The following PARVB variants were observed in gnomAD, a reference collection of about 807,000 sequenced individuals.
The protein encoded by PARVB is parvin beta, also known as beta-parvin.
In PARVB, 46 loss-of-function variants were observed where a neutral mutation model predicts 47.0. That is an observed-to-expected ratio of 0.98 (90% CI 0.77 to 1.25). The LOEUF (loss-of-function observed/expected upper bound fraction) is 1.25. Ranked by LOEUF, PARVB falls within the 50% of genes most tolerant of loss-of-function variation. PARVB has a pLI of 0.00. For missense variants in PARVB, 473 were observed against 471.6 expected (o/e 1.00, Z -0.03); for synonymous variants, 196 against 196.3 (o/e 1.00, Z 0.01).
At chr22:44,079,531 G>A (rs973307807) in intron 1 of PARVB, among the ~76,000 whole-genome samples, 3 of 152,204 alleles carry the variant, frequency 2.0e-5, no homozygotes, top group African/African-American at 4.8e-5. Flanking sequence ...GGAGGACAGA[G>A]GGTGAGGGAA....
At chr22:44,152,316 A>G (rs1399282653) in intron 10 of PARVB, 1 of 151,744 alleles carries the variant, frequency 6.6e-6, no homozygotes, top group Non-Finnish European at 1.5e-5. Flanking sequence ...TGCCCAGCTA[A>G]TTTTTGTATT....
At chr22:44,140,351 T>C in intron 8 of PARVB, 1 of 694,470 alleles carries the variant, frequency 1.4e-6, no homozygotes, top group Non-Finnish European at 2.7e-6. Context: ...AGTGGCTGGG[T>C]TGTGCTAGGA....
Position 44,168,723 on chromosome 22 carries a change from C to G in PARVB, c.*45C>G. The G allele has an allele frequency of 7.4e-7, 1 of 1,345,394 alleles. No homozygotes were observed. Among genetic ancestry groups the G allele is most frequent in the Non-Finnish European group, 1.1e-6 (1 of 935,470 alleles). 83.3% of individuals were successfully genotyped at this position (1,345,394 alleles called of 1,614,324 possible). A position where few individuals can be genotyped will look rare whatever the true frequency, so the allele number is the denominator to read the frequency against. The stretch of plus-strand genomic sequence containing the variant: ...GGCAGGAGTGTCCCAGCAAGAAAGG[C>G]GGCATCCGTCTGTGCCCTGTGCCTT... On this transcript the variant is annotated 3_prime_UTR_variant, in exon 13 of 13. Transcript: ENST00000338758.
intron 8 of PARVB, chr22:44,147,376 A>T: frequency 3.3e-6 from 1 of 300,176 alleles, no homozygotes; most frequent in South Asian, 3.2e-5. Flanking sequence ...AGAAGGGCTC[A>T]GGGGCCAGGA....
At chr22:44,041,758 T>C (rs1247936788) in intron 1 of PARVB, among the ~76,000 whole-genome samples, 2 of 152,076 alleles carry the variant, frequency 1.3e-5, no homozygotes, top group African/African-American at 4.8e-5. Context: ...TGGTGGCCCA[T>C]GCCTGTGGTC....
chr22:44,044,443 G>T (rs1433990041), intron 1 of PARVB, among the ~76,000 whole-genome samples: 3 of 151,942 alleles, frequency 2.0e-5, no homozygotes, highest in Non-Finnish European at 2.9e-5. Flanking sequence ...GCCCGCCTAG[G>T]CCTCCCAAAG....
At chr22:44,069,080 A>G in intron 1 of PARVB, 7 of 1,606,102 alleles carry the variant, frequency 4.4e-6, no homozygotes, top group Non-Finnish European at 6.0e-6. Flanking sequence ...CCCTATATGA[A>G]CGGGGTGTGT....
intron 3 of PARVB, chr22:44,115,722 T>C (rs1465727168): frequency 1.2e-5 from 1 of 83,240 alleles, no homozygotes; most frequent in East Asian, 3.8e-4. Context: ...ACTAAGGCCC[T>C]ACAGCAACAC....
upstream of PARVB, among the ~76,000 whole-genome samples, chr22:44,022,158 C>T (rs184136240): frequency 4.6e-4 from 70 of 152,110 alleles, no homozygotes; most frequent in Non-Finnish European, 8.7e-4. Flanking sequence ...TCATAATTCC[C>T]GTAGACCTTG....
At chr22:44,060,202 G>C (rs1421603541) in intron 1 of PARVB, among the ~76,000 whole-genome samples, 1 of 152,118 alleles carries the variant, frequency 6.6e-6, no homozygotes, top group Non-Finnish European at 1.5e-5. Context: ...TGTAATCCCA[G>C]CTACTTGGGA....
intron 2 of PARVB, among the ~76,000 whole-genome samples, chr22:44,013,863 C>T (rs961317914): frequency 8.5e-5 from 13 of 152,150 alleles, no homozygotes; most frequent in African/African-American, 2.9e-4. Context: ...GAACTCCTGA[C>T]CTCAAGTGAT....
At chr22:44,157,506 A>C (rs567329416) in intron 10 of PARVB, among the ~76,000 whole-genome samples, 52 of 152,174 alleles carry the variant, frequency 3.4e-4, no homozygotes, top group Non-Finnish European at 5.6e-4. Flanking sequence ...GCCAGGTCTC[A>C]AAAGACTTCA....
chr22:44,052,552 G>A (rs1254723353), intron 1 of PARVB, among the ~76,000 whole-genome samples: 1 of 152,186 alleles, frequency 6.6e-6, no homozygotes, highest in Non-Finnish European at 1.5e-5. Context: ...GAGCCATCCT[G>A]CCTCTGTAGG....
chr22:44,005,737 C>T (rs771108779), intron 2 of PARVB, among the ~76,000 whole-genome samples: 8 of 152,164 alleles, frequency 5.3e-5, no homozygotes, highest in Non-Finnish European at 5.9e-5. Flanking sequence ...TCCCCTCCCA[C>T]AACCAATCAG....
intron 1 of PARVB, among the ~76,000 whole-genome samples, chr22:44,071,454 G>A (rs891539532): frequency 3.3e-5 from 5 of 152,134 alleles, no homozygotes; most frequent in African/African-American, 1.2e-4. Flanking sequence ...AGCCACCCAC[G>A]AAAGGAGGAG....
At chr22:44,131,939 GTTC>G (rs2053336165) in intron 5 of PARVB, among the ~76,000 whole-genome samples, 1 of 152,200 alleles carries the variant, frequency 6.6e-6, no homozygotes. Context: ...GCCTTGGGGG[GTTC>G]TTGTTGGGAC....
At position 44,072,735 on chromosome 22, in the gene PARVB, G is replaced by T. The variant is rs541475477; in HGVS notation, c.113-21193G>T. On this transcript the variant is annotated intron_variant, in intron 1 of 12. Transcript: ENST00000338758. ...TGGGATTACAGGTGTGAACCATCGC[G>T]CCTGGCCCAGAGTCACCCTTTCTTT... Among the ~76,000 whole-genome samples, 8 of 152,094 alleles carry T rather than the reference G, an allele frequency of 5.3e-5. 1 individual carries two copies. The highest frequency in any genetic ancestry group is 8.8e-5 in the Non-Finnish European group (6 of 68,012).
chr22:44,001,315 A>G (rs1024821738), intron 2 of PARVB, among the ~76,000 whole-genome samples: 5 of 152,248 alleles, frequency 3.3e-5, no homozygotes, highest in African/African-American at 1.2e-4. Context: ...TTGGATCAGG[A>G]AAATCTAAGT....
At chr22:44,074,283 CGACGGCCTGGGT>C (rs2051718315) in intron 1 of PARVB, among the ~76,000 whole-genome samples, 1 of 152,190 alleles carries the variant, frequency 6.6e-6, no homozygotes, top group Non-Finnish European at 1.5e-5. Context: ...GTTGCCTGCA[CGACGGCCTGGGT>C]GAGCAACACT....
Sources: allele counts gnomAD v4.1 joint callset (sites outside exome capture counted in the v4.1 genomes callset), GRCh38; gene constraint gnomAD v4.1.1; transcripts MANE v1.5; gene names NCBI Gene and HGNC (gene_info 2026-07-23, HGNC 2026-07-21).